TMEM232: variants seen among roughly 807,000 people sequenced by gnomAD.
TMEM232 encodes transmembrane protein 232.
A neutral mutation model predicts 78.8 loss-of-function variants in TMEM232; 80 were observed. The ratio of observed to expected loss-of-function variants is 1.01; its 90% CI spans 0.85 to 1.22. The LOEUF (loss-of-function observed/expected upper bound fraction) is 1.22. Among genes scored for constraint, TMEM232 ranks in the 50% most tolerant of loss-of-function variants. The pLI, the probability that TMEM232 is intolerant of heterozygous loss-of-function variation, is 0.00. For synonymous variants in TMEM232, 297 were observed against 254.3 expected (o/e 1.17, Z -1.60); for missense variants, 881 against 742.2 (o/e 1.19, Z -2.17).
intron 10 of TMEM232, among the ~76,000 whole-genome samples, chr5:110,593,543 T>C (rs1731416771): frequency 6.6e-6 from 1 of 152,144 alleles, no homozygotes; most frequent in Admixed American, 6.6e-5. Context: ...CTAGAGGTCA[T>C]TATGTTAAAT....
intron 3 of TMEM232, among the ~76,000 whole-genome samples, chr5:110,391,677 G>A (rs772113270): frequency 9.2e-5 from 14 of 152,178 alleles, no homozygotes; most frequent in Middle Eastern, 3.4e-3. Flanking sequence ...TGTACATATC[G>A]TATTTTCTTA....
chr5:110,658,616 T>C (rs926598190), intron 2 of TMEM232, among the ~76,000 whole-genome samples: 2 of 152,148 alleles, frequency 1.3e-5, no homozygotes, highest in African/African-American at 2.4e-5. Flanking sequence ...CTATACTACA[T>C]TTGGTAACAG....
rs1436839508 is a variant in TMEM232 at position 110,471,754 on chromosome 5, C to T, written c.1704-46838G>A. Among the ~76,000 whole-genome samples the T allele has an allele frequency of 2.0e-5, 3 of 152,010 alleles. No individual in the cohort carries two copies. In the East Asian group the frequency reaches 5.8e-4, roughly 29 times the overall value. ...TTGAGGAAATTTATCACTACTAGAGCTAACCTACAAAACATGACTATGACA... is the reference window on the plus strand; with the variant it reads ...TTGAGGAAATTTATCACTACTAGAGTTAACCTACAAAACATGACTATGACA... On this transcript the variant is annotated intron_variant, in intron 12 of 13. Transcript: ENST00000455884.
intron 10 of TMEM232, among the ~76,000 whole-genome samples, chr5:110,600,895 T>C (rs78265881): frequency 2.0e-5 from 3 of 152,180 alleles, no homozygotes; most frequent in Non-Finnish European, 4.4e-5. Flanking sequence ...TGAACACCGA[T>C]GTGAAAATCC....
At chr5:110,737,267 T>C (rs878938182) in intron 1 of TMEM232, among the ~76,000 whole-genome samples, 1 of 150,462 alleles carries the variant, frequency 6.6e-6, no homozygotes, top group South Asian at 2.1e-4. Context: ...ACACTTTAAA[T>C]AATAAATTAT....
In TMEM232 at chr5:110,500,895, T is replaced by A. The variant is rs556999512; in HGVS notation, c.1703+27693A>T. On this transcript the variant is annotated intron_variant, in intron 12 of 13. Coordinates refer to ENST00000455884, the MANE Select transcript of TMEM232 (RefSeq NM_001039763.4). Reference sequence around the variant, plus strand: ...GAAAATGTAAAGCTTTAGGTTTTCATCTAGATATATAAATAGTTCTTCCAC... The same window carrying A: ...GAAAATGTAAAGCTTTAGGTTTTCAACTAGATATATAAATAGTTCTTCCAC... Among the ~76,000 whole-genome samples the A allele has an allele frequency of 7.2e-5, 11 of 152,322 alleles. No homozygotes were observed. The South Asian group carries it at 2.3e-3, about 32-fold the overall frequency.
At chr5:110,571,761 G>T (rs761015648) in intron 10 of TMEM232, among the ~76,000 whole-genome samples, 1 of 151,690 alleles carries the variant, frequency 6.6e-6, no homozygotes, top group African/African-American at 2.4e-5. Flanking sequence ...AGGAGGCTGT[G>T]TTGGGAAGAT....
In TMEM232 at chr5:110,596,194, C is replaced by T. The variant is rs183847473; in HGVS notation, c.1276+8915G>A. ...TGATAAAGGGGATATCACCACCGATCCCACAGAAATACAAACTAACATCAG... is the reference window on the plus strand; with the variant it reads ...TGATAAAGGGGATATCACCACCGATTCCACAGAAATACAAACTAACATCAG... On this transcript the variant is annotated intron_variant, in intron 10 of 13. Transcript: ENST00000455884. Among the ~76,000 whole-genome samples, 1,029 of 152,244 alleles carry T rather than the reference C, an allele frequency of 6.8e-3. 5 individuals carry two copies. Among genetic ancestry groups the T allele is most frequent in the Admixed American group, 0.013 (201 of 15,296 alleles).
intron 1 of TMEM232, among the ~76,000 whole-genome samples, chr5:110,736,883 G>C (rs550626979): frequency 6.6e-6 from 1 of 151,364 alleles, no homozygotes; most frequent in Non-Finnish European, 1.5e-5. Flanking sequence ...CTATCGGGGC[G>C]TTTCTCTTGC....
chr5:110,695,609 G>T (rs1453690734), intron 1 of TMEM232, among the ~76,000 whole-genome samples: 1 of 152,062 alleles, frequency 6.6e-6, no homozygotes, highest in African/African-American at 2.4e-5. Flanking sequence ...AATAAAAAAT[G>T]ATAAAGGGGT....
At chr5:110,735,626 G>C (rs983579226) in intron 1 of TMEM232, among the ~76,000 whole-genome samples, 8 of 152,116 alleles carry the variant, frequency 5.3e-5, no homozygotes, top group African/African-American at 1.9e-4. Context: ...TCCCCTTTAA[G>C]TGCAGGGTTG....
chr5:110,727,717 G>A (rs115405964), upstream of TMEM232, among the ~76,000 whole-genome samples: 1,868 of 152,204 alleles, frequency 0.012, 47 homozygotes, highest in African/African-American at 0.042. Context: ...ACTTCGATTC[G>A]GAATTAAGTT....
chr5:110,567,688 C>A (rs574816756), intron 11 of TMEM232, among the ~76,000 whole-genome samples: 1 of 151,930 alleles, frequency 6.6e-6, no homozygotes, highest in African/African-American at 2.4e-5. Flanking sequence ...GGAACTTTTA[C>A]CTTTACCTAT....
At chr5:110,568,716 T>G in intron 10 of TMEM232, 91 bp from the exon 11 acceptor site, 1 of 1,208,282 alleles carries the variant, frequency 8.3e-7, no homozygotes, top group Admixed American at 3.3e-5. Flanking sequence ...AATTTTACTA[T>G]AATTCATAAT....
chr5:110,449,116 G>T (rs1330066931), intron 12 of TMEM232, among the ~76,000 whole-genome samples: 2 of 152,024 alleles, frequency 1.3e-5, no homozygotes, highest in African/African-American at 4.8e-5. Context: ...AAACTATCAA[G>T]AGTTGCAATT....
At chr5:110,603,244 C>A (rs1781171575) in intron 10 of TMEM232, among the ~76,000 whole-genome samples, 1 of 151,518 alleles carries the variant, frequency 6.6e-6, no homozygotes, top group African/African-American at 2.4e-5. Context: ...CACATGTATA[C>A]CTATGTAACA....
intron 8 of TMEM232, chr5:110,618,068 G>GT (rs1783164640): frequency 5.0e-6 from 1 of 198,052 alleles, no homozygotes; most frequent in African/African-American, 2.4e-5. Context: ...AAGAAATACA[G>GT]TATCAGTATA....
intron 12 of TMEM232, among the ~76,000 whole-genome samples, chr5:110,428,280 C>T (rs1757462007): frequency 6.6e-6 from 1 of 151,868 alleles, no homozygotes; most frequent in African/African-American, 2.4e-5. Context: ...TAACATTCCC[C>T]TCAGTTTCCC....
chr5:110,488,387 A>T (rs2149411478), intron 12 of TMEM232, among the ~76,000 whole-genome samples: 1 of 152,186 alleles, frequency 6.6e-6, no homozygotes, highest in African/African-American at 2.4e-5. Context: ...GCATCTTTTT[A>T]ACATACAACA....
Sources: allele counts gnomAD v4.1 joint callset (sites outside exome capture counted in the v4.1 genomes callset), GRCh38; gene constraint gnomAD v4.1.1; transcripts MANE v1.5; gene names NCBI Gene and HGNC (gene_info 2026-07-23, HGNC 2026-07-21).